The following RNF6 variants were observed in gnomAD, a reference collection of about 807,000 sequenced individuals.
RNF6 encodes the protein ring finger protein 6.
A neutral mutation model predicts 50.1 loss-of-function variants in RNF6; 21 were observed. The observed-to-expected ratio is 0.42, with a 90% CI of 0.30 to 0.60. The LOEUF (loss-of-function observed/expected upper bound fraction) is 0.60. Ranked by LOEUF, RNF6 falls within the 20% of genes least tolerant of loss-of-function variation. The probability of loss-of-function intolerance (pLI) is 0.20; values close to 1 mark genes in which losing one functional copy is unlikely to be tolerated. For synonymous variants in RNF6, 255 were observed against 291.8 expected (o/e 0.87, Z 1.29); for missense variants, 698 against 838.2 (o/e 0.83, Z 2.07).
chr13:26,156,306 C>T (rs1452766714), intron 5 of RNF6, among the ~76,000 whole-genome samples: 4 of 152,078 alleles, frequency 2.6e-5, no homozygotes, highest in African/African-American at 9.7e-5. Context: ...AGGGGACGAT[C>T]CACAAATGAA....
downstream of RNF6, among the ~76,000 whole-genome samples, chr13:26,212,229 C>T (rs1374070493): frequency 6.6e-6 from 1 of 152,160 alleles, no homozygotes; most frequent in African/African-American, 2.4e-5. Context: ...TCTAACATCT[C>T]TATAAGGTAA....
At chr13:26,143,662 G>C (rs1291131623) in intron 5 of RNF6, among the ~76,000 whole-genome samples, 1 of 152,190 alleles carries the variant, frequency 6.6e-6, no homozygotes, top group Admixed American at 6.5e-5. Context: ...TGCAGAGAAT[G>C]TACAGCCTCC....
intron 5 of RNF6, among the ~76,000 whole-genome samples, chr13:26,156,092 C>T (rs1377690321): frequency 1.3e-5 from 2 of 152,138 alleles, no homozygotes; most frequent in Non-Finnish European, 1.5e-5. Context: ...TGGATCAAAA[C>T]ACAAAACCTA....
At chr13:26,173,563 T>TA (rs941271912) in intron 5 of RNF6, among the ~76,000 whole-genome samples, 6 of 151,912 alleles carry the variant, frequency 3.9e-5, no homozygotes, top group African/African-American at 1.5e-4. Context: ...ATTTCAGGCC[T>TA]AAAAAACAGA....
intron 5 of RNF6, among the ~76,000 whole-genome samples, chr13:26,182,525 A>G (rs568972260): frequency 6.6e-6 from 1 of 152,350 alleles, no homozygotes; most frequent in East Asian, 1.9e-4. Flanking sequence ...TTAACAAAGA[A>G]TCTGTGGCTG....
At chr13:26,132,451 C>T (rs779246533) in exon 6 of RNF6, 2 of 459,182 alleles carry the variant, frequency 4.4e-6, no homozygotes, top group Middle Eastern at 3.3e-4. Context: ...TCTGGCAAAG[C>T]CTACAAAATA....
chr13:26,210,905 A>G (rs921730029), downstream of RNF6, among the ~76,000 whole-genome samples: 1 of 152,262 alleles, frequency 6.6e-6, no homozygotes, highest in East Asian at 1.9e-4. Context: ...AAACAGGGTA[A>G]AAGGCTGTAA....
chr13:26,175,584 C>T (rs1305794924), intron 5 of RNF6, among the ~76,000 whole-genome samples: 1 of 152,144 alleles, frequency 6.6e-6, no homozygotes, highest in Non-Finnish European at 1.5e-5. Flanking sequence ...GTTACCATCG[C>T]AGTTCCCCAA....
chr13:26,186,525 C>T (rs568015975), intron 5 of RNF6, among the ~76,000 whole-genome samples: 1 of 152,344 alleles, frequency 6.6e-6, no homozygotes, highest in African/African-American at 2.4e-5. Flanking sequence ...TGTTAGGGCG[C>T]GCGCACACAC....
chr13:26,163,969 G>T (rs575057208), intron 5 of RNF6, among the ~76,000 whole-genome samples: 1 of 152,260 alleles, frequency 6.6e-6, no homozygotes, highest in South Asian at 2.1e-4. Context: ...GTTAGGAAAA[G>T]TAGTATGAAA....
chr13:26,208,955 TAAA>T (rs1459086578), downstream of RNF6, among the ~76,000 whole-genome samples: 1 of 152,176 alleles, frequency 6.6e-6, no homozygotes, highest in African/African-American at 2.4e-5. Context: ...GACAAAATGC[TAAA>T]AAAGAACAAA....
At position 26,219,643 on chromosome 13, in the gene RNF6, G is replaced by C. The variant is rs1431931265; in HGVS notation, c.7C>G (p.Gln3Glu). MN[Q>E]SRSRSDGGSE... ...CCACCATCTGATCTCGATCTAGACT[G>C]ATTCATCCTGAGATTCCTGGCTTTC... Residue 3 changes from glutamine to glutamate, a missense_variant, in exon 3 of 5, where the codon CAG becomes GAG. By Grantham distance (29) the Gln-to-Glu change is conservative. Transcript: ENST00000381588. 3 of 1,612,492 alleles carry C rather than the reference G, an allele frequency of 1.9e-6. No individual in the cohort carries two copies. The highest frequency in any genetic ancestry group is 3.3e-5 in the Admixed American group (2 of 59,962).
intron 5 of RNF6, among the ~76,000 whole-genome samples, chr13:26,165,125 C>A (rs956542387): frequency 1.3e-5 from 2 of 152,144 alleles, no homozygotes; most frequent in African/African-American, 4.8e-5. Flanking sequence ...CCTAGGGACT[C>A]GGCGCCCTGC....
upstream of RNF6, among the ~76,000 whole-genome samples, chr13:26,222,945 A>G (rs1248478108): frequency 6.6e-6 from 1 of 152,154 alleles, no homozygotes; most frequent in Non-Finnish European, 1.5e-5. Flanking sequence ...CCCGCTAGGA[A>G]AGCAGTTTGA....
chr13:26,165,606 G>T (rs1872415016), intron 5 of RNF6, among the ~76,000 whole-genome samples: 1 of 152,238 alleles, frequency 6.6e-6, no homozygotes, highest in South Asian at 2.1e-4. Context: ...AGCTGCCCAA[G>T]ACCATGGGAA....
At chr13:26,188,630 T>TTTC (rs1320892370) in intron 5 of RNF6, among the ~76,000 whole-genome samples, 12 of 104,502 alleles carry the variant, frequency 1.1e-4, no homozygotes, top group African/African-American at 4.9e-4. Context: ...GAGCTTTTTT[T>TTTC]TTTTTTTTTT....
chr13:26,169,251 C>T (rs548477485), intron 5 of RNF6, among the ~76,000 whole-genome samples: 2 of 152,126 alleles, frequency 1.3e-5, no homozygotes, highest in African/African-American at 2.4e-5. Context: ...CTCAGGGAGC[C>T]GTGGAGACTA....
chr13:26,181,682 A>C (rs546621685), intron 5 of RNF6, among the ~76,000 whole-genome samples: 4 of 152,312 alleles, frequency 2.6e-5, no homozygotes, highest in Admixed American at 6.5e-5. Flanking sequence ...GTCAAGACCA[A>C]GGGGATTCCT....
intron 5 of RNF6, among the ~76,000 whole-genome samples, chr13:26,150,272 C>A (rs189768862): frequency 6.6e-6 from 1 of 151,860 alleles, no homozygotes; most frequent in Non-Finnish European, 1.5e-5. Context: ...ATAAACCGAT[C>A]GAAAGGACAA....
Sources: gnomAD v4.1 joint callset for allele counts (sites outside exome capture counted in the v4.1 genomes callset) on GRCh38, gnomAD v4.1.1 for gene constraint, MANE v1.5 for transcripts, NCBI Gene and HGNC (gene_info 2026-07-23, HGNC 2026-07-21) for gene names.